The following SACS variants were observed in gnomAD, a reference collection of about 807,000 sequenced individuals.
SACS encodes sacsin.
In SACS, 197 loss-of-function variants were observed where a neutral mutation model predicts 348.0. That is an observed-to-expected ratio of 0.57 (90% CI 0.50 to 0.64). The LOEUF is 0.64. Ranked by LOEUF, SACS falls within the 30% of genes least tolerant of loss-of-function variation. The pLI, the probability that SACS is intolerant of heterozygous loss-of-function variation, is 0.00. For synonymous variants in SACS, 1,985 were observed against 1,910.6 expected (o/e 1.04, Z -1.02); for missense variants, 4,999 against 5,360.8 (o/e 0.93, Z 2.11).
chr13:23,335,074 G>A lies in SACS; in HGVS notation c.8802C>T (p.Phe2934=), dbSNP rs1868452276. 2 of 1,613,472 alleles carry A rather than the reference G, an allele frequency of 1.2e-6. No individual in the cohort carries two copies. The highest frequency in any genetic ancestry group is 1.7e-6 in the Non-Finnish European group (2 of 1,179,590). The change falls in exon 10 of 10, where the codon TTC becomes TTT. Residue 2934 remains phenylalanine (F), a synonymous_variant. Coordinates refer to ENST00000382292, the MANE Select transcript of SACS (RefSeq NM_014363.6). This position sits in a 1 kb window ranked among gnomAD's most constrained non-coding sequence, Gnocchi z 4.7. ...CTGATAATGTTGGATCAGAACCAGG[G>A]AAATACCGTTTTTTTAACTGTATTA... ...ELLIQLKKRY[F]PGSDPTLSVL...
rs764766520 is a variant in SACS at position 23,331,040 on chromosome 13, AGAG to A, written c.12833_12835del (p.Pro4278del). On this transcript the variant is annotated inframe_deletion, in exon 10 of 10. Coordinates refer to ENST00000382292, the MANE Select transcript of SACS (RefSeq NM_014363.6). ...CTTGTGGCTCTCTCTACCAGAGAAA[AGAG>A]GAGGAATGCTTCTCAGGCCAGGGGT... 2 of 1,614,120 alleles carry A rather than the reference AGAG, an allele frequency of 1.2e-6. No individual in the cohort carries two copies. Among genetic ancestry groups the A allele is most frequent in the Admixed American group, 3.3e-5 (2 of 60,028 alleles).
chr13:23,362,886 T>C (rs1236457193), intron 6 of SACS, among the ~76,000 whole-genome samples: 1 of 151,178 alleles, frequency 6.6e-6, no homozygotes, highest in African/African-American at 2.4e-5. Context: ...ATGCCCAGCC[T>C]GCATTTATTT....
chr13:23,377,984 T>C (rs1203218727), intron 2 of SACS, among the ~76,000 whole-genome samples: 1 of 152,244 alleles, frequency 6.6e-6, no homozygotes, highest in East Asian at 1.9e-4. Context: ...TTCTTCTCTT[T>C]GTGCTCAGGT....
At position 23,355,808 on chromosome 13, in the gene SACS, TC is replaced by T; in HGVS notation, c.803del (p.Gly268GlufsTer43). ...KETFINGNFP[G>X]TFFRFPLRLQ... is the part of the protein sequence containing the mutation. ...GGCGAAGAGGGAAACGGAAAAATGT[TC>T]CTGGAAAATTGCCGTTTATAAATGT... On this transcript the variant is annotated frameshift_variant, in exon 8 of 10. Coordinates refer to ENST00000382292, the MANE Select transcript of SACS (RefSeq NM_014363.6). LOFTEE classifies it high-confidence loss of function. 1 of 1,614,232 alleles carries T rather than the reference TC, an allele frequency of 6.2e-7. No individual in the cohort carries two copies. The highest frequency in any genetic ancestry group is 8.5e-7 in the Non-Finnish European group (1 of 1,180,046).
intron 5 of SACS, among the ~76,000 whole-genome samples, chr13:23,367,700 T>C (rs1205655754): frequency 6.6e-6 from 1 of 152,154 alleles, no homozygotes; most frequent in Non-Finnish European, 1.5e-5. Context: ...TTCAAGCGAT[T>C]CTCCTGCCTC....
intron 6 of SACS, among the ~76,000 whole-genome samples, chr13:23,363,494 G>A (rs1468988706): frequency 6.6e-6 from 1 of 152,156 alleles, no homozygotes; most frequent in Admixed American, 6.5e-5. Flanking sequence ...CCAAAGTGCT[G>A]GGATTACAGG....
In SACS at chr13:23,425,784, C is replaced by T. The variant is rs1008889944; in HGVS notation, c.-502+7831G>A. 2.8e-4 allele frequency among the ~76,000 whole-genome samples: 43 copies of T among 152,164 alleles called. 3 individuals are homozygous for T. Among genetic ancestry groups the T allele is most frequent in the Admixed American group, 6.5e-5 (1 of 15,288 alleles). On this transcript the variant is annotated intron_variant, in intron 1 of 9. Coordinates refer to ENST00000382292, the MANE Select transcript of SACS (RefSeq NM_014363.6). The stretch of plus-strand genomic sequence containing the variant: ...GGACTTGGGGCCCCGAAGCTCCACC[C>T]CGCCTGACTCCCTGCGGGAGTGGGC...
rs750923305 is a variant in SACS, at chr13:23,413,274, G to A, written c.-501-1534C>T. On this transcript the variant is annotated intron_variant, in intron 1 of 9. Coordinates refer to ENST00000382292, the MANE Select transcript of SACS (RefSeq NM_014363.6). Reference sequence around the variant, plus strand: ...ATTACAGGCATGAGCCACTGCGCCCGGCCGGCAAACTTTATAAACAATGGT... The same window carrying A: ...ATTACAGGCATGAGCCACTGCGCCCAGCCGGCAAACTTTATAAACAATGGT... Among the ~76,000 whole-genome samples the A allele has an allele frequency of 1.1e-4, 16 of 152,168 alleles. 1 individual carries two copies. The highest frequency in any genetic ancestry group is 1.3e-4 in the Non-Finnish European group (9 of 68,038).
chr13:23,406,346 G>A lies in SACS; in HGVS notation c.20+4874C>T, dbSNP rs186773962. ...TTGAACGATGAAAACACATGGACAC[G>A]GTGGGGGGAAACACCACACACCAGG... On this transcript the variant is annotated intron_variant, in intron 2 of 9. Coordinates refer to ENST00000382292, the MANE Select transcript of SACS (RefSeq NM_014363.6). Among the ~76,000 whole-genome samples, 674 of 151,880 alleles carry A rather than the reference G, an allele frequency of 4.4e-3. 2 individuals carry two copies. The highest frequency in any genetic ancestry group is 7.3e-3 in the Non-Finnish European group (499 of 67,958).
Position 23,355,225 on chromosome 13 carries a change from G to C in SACS, c.1387C>G (p.His463Asp). ...GTAAGGCCAAAGAACCCACTGATGT[G>C]AACTGGGAGGCCTGTGCTGCTTTCC... The part of the protein sequence containing the change: ...GEESSTGLPV[H>D]ISGFFGLTDN... The change falls in exon 8 of 10, where the codon CAC becomes GAC. Residue 463 changes from histidine to aspartate, a missense_variant. Physicochemically the swap from His to Asp is moderately conservative, Grantham distance 81. Coordinates refer to ENST00000382292, the MANE Select transcript of SACS (RefSeq NM_014363.6). 1 of 1,614,196 alleles carries C rather than the reference G, an allele frequency of 6.2e-7. No individual in the cohort carries two copies. The highest frequency in any genetic ancestry group is 8.5e-7 in the Non-Finnish European group (1 of 1,180,032).
chr13:23,331,099 A>C lies in SACS; in HGVS notation c.12777T>G (p.Pro4259=), dbSNP rs771339735. The change falls in exon 10 of 10, where the codon CCT becomes CCG. Residue 4259 remains proline, a synonymous_variant. Transcript: ENST00000382292. ...EESSQSRDSA[P]STPTSPTEFL... Reference sequence around the variant, plus strand: ...ACTCAGTGGGGCTGGTTGGTGTAGAAGGAGCACTGTCCCTGCTTTGAGAGC... The same window carrying C: ...ACTCAGTGGGGCTGGTTGGTGTAGACGGAGCACTGTCCCTGCTTTGAGAGC... The C allele has an allele frequency of 3.1e-6, 5 of 1,613,980 alleles. No homozygotes were observed. In the African/African-American group the frequency reaches 6.7e-5, roughly 22 times the overall value.
intron 6 of SACS, among the ~76,000 whole-genome samples, chr13:23,360,754 CTTTT>C (rs11340654): frequency 5.6e-5 from 7 of 125,304 alleles, no homozygotes; most frequent in Admixed American, 8.1e-5. Flanking sequence ...CTCCAAGGTA[CTTTT>C]TTTTTTTTTT....
Position 23,330,773 on chromosome 13 carries a change from A to G in SACS, c.13103T>C (p.Leu4368Pro). ...GGAGGCCCTGTCTGCATTTTGATCT[A>G]GAAAAGCCTGTTTTTCTAATCTGTT... ...EINRLEKQAFLDQNADRASRR... is the reference protein window; with the variant it reads ...EINRLEKQAFPDQNADRASRR... Residue 4368 changes from leucine to proline, a missense_variant, in exon 10 of 10, where the codon CTA becomes CCA. Leu to Pro is a moderately conservative substitution (Grantham distance 98, BLOSUM62 -3). Transcript: ENST00000382292. 1 of 1,613,830 alleles carries G rather than the reference A, an allele frequency of 6.2e-7. No individual in the cohort carries two copies. Among genetic ancestry groups the G allele is most frequent in the Non-Finnish European group, 8.5e-7 (1 of 1,179,910 alleles).
chr13:23,358,866 T>C lies in SACS; in HGVS notation c.458-385A>G, dbSNP rs1275245689. Among the ~76,000 whole-genome samples the C allele has an allele frequency of 2.6e-5, 4 of 152,122 alleles. No homozygotes were observed. In the East Asian group the frequency reaches 7.7e-4, roughly 29 times the overall value. The stretch of plus-strand genomic sequence containing the variant: ...AAATAAATATAAAATATTTCATATA[T>C]TTCATAAAACAGATGAAAATATGGG... On this transcript the variant is annotated intron_variant, in intron 6 of 9. Coordinates refer to ENST00000382292, the MANE Select transcript of SACS (RefSeq NM_014363.6).
rs767528078 is a variant in SACS, at chr13:23,330,581, A to T, written c.13295T>A (p.Phe4432Tyr). The change falls in exon 10 of 10, where the codon TTC becomes TAC. Residue 4432 changes from phenylalanine (F) to tyrosine (Y), a missense_variant. Coordinates refer to ENST00000382292, the MANE Select transcript of SACS (RefSeq NM_014363.6). Reference protein sequence around the residue: ...PSAGQTYSQRFFVPPTFKSVG... With the variant: ...PSAGQTYSQRYFVPPTFKSVG... ...CGACTTGAAAGTGGGAGGAACAAAG[A>T]ACCTTTGAGAGTAAGTCTGTCCGGC... 6.2e-7 allele frequency: 1 copy of T among 1,614,042 alleles called. No homozygotes were observed. Among genetic ancestry groups the T allele is most frequent in the East Asian group, 2.2e-5 (1 of 44,886 alleles).
chr13:23,393,020 C>T (rs989635550), intron 2 of SACS, among the ~76,000 whole-genome samples: 4 of 152,158 alleles, frequency 2.6e-5, no homozygotes, highest in Non-Finnish European at 5.9e-5. Flanking sequence ...ACCACCCCAC[C>T]CACAAGTTGC....
Position 23,338,258 on chromosome 13 carries a change from T to C in SACS, c.5618A>G (p.Tyr1873Cys). The C allele has an allele frequency of 1.9e-6, 3 of 1,614,112 alleles. No individual in the cohort carries two copies. The highest frequency in any genetic ancestry group is 1.1e-5 in the South Asian group (1 of 91,084). Reference protein sequence around the residue: ...VKPHIGEVFCYLPLRIKTGLP... With the variant: ...VKPHIGEVFCCLPLRIKTGLP... ...GCCTGTTTTTATTCGTAAAGGTAAA[T>C]AGCAAAACACCTCTCCAATGTGTGG... Residue 1873 changes from tyrosine to cysteine, a missense_variant, in exon 10 of 10, where the codon TAT becomes TGT. This residue lies in a region of SACS where 3,156 missense variants were observed against 3,380.1 expected (regional missense o/e 0.93). Coordinates refer to ENST00000382292, the MANE Select transcript of SACS (RefSeq NM_014363.6).
At chr13:23,382,486 G>A (rs1354040833) in intron 2 of SACS, among the ~76,000 whole-genome samples, 1 of 151,922 alleles carries the variant, frequency 6.6e-6, no homozygotes, top group African/African-American at 2.4e-5. Flanking sequence ...GAGATGCATT[G>A]GATATATTAA....
chr13:23,409,584 C>A (rs9580614), intron 2 of SACS, among the ~76,000 whole-genome samples: 12,867 of 151,696 alleles, frequency 0.085, 598 homozygotes, highest in East Asian at 0.13. Context: ...CTGACCTCAG[C>A]CTCCCAAAGT....
Sources: gnomAD v4.1 joint callset for allele counts (sites outside exome capture counted in the v4.1 genomes callset) on GRCh38, gnomAD v4.1.1 for gene constraint, gnomAD v4.1.1 regional missense constraint, Gnocchi (gnomAD v3.1) non-coding constraint, MANE v1.5 for transcripts, NCBI Gene and HGNC (gene_info 2026-07-23, HGNC 2026-07-21) for gene names.